The following DPP8 variants were observed in gnomAD, a reference collection of about 807,000 sequenced individuals.
DPP8 encodes the protein DPP VIII.
Under a neutral mutation model 107.5 loss-of-function variants are expected in DPP8, and 31 were observed. The observed-to-expected ratio is 0.29, with a 90% CI of 0.22 to 0.39. The LOEUF is 0.39. Ranked by LOEUF, DPP8 falls within the 10% of genes least tolerant of loss-of-function variation. The pLI is 1.00. For missense variants in DPP8, 842 were observed against 1,076.1 expected, an observed-to-expected ratio of 0.78 and a Z score of 3.04; for synonymous variants, 381 against 356.6, an observed-to-expected ratio of 1.07 and a Z score of -0.77.
chr15:65,485,477 G>A (rs2067317101), intron 7 of DPP8, among the ~76,000 whole-genome samples: 1 of 145,836 alleles, frequency 6.9e-6, no homozygotes, highest in Non-Finnish European at 1.5e-5. Flanking sequence ...CTGGGAGGTG[G>A]AGAATGCAGT....
chr15:65,494,560 C>A (rs1317933904), intron 5 of DPP8, among the ~76,000 whole-genome samples: 1 of 140,878 alleles, frequency 7.1e-6, no homozygotes, highest in African/African-American at 2.6e-5. Context: ...GTTGTCTCAG[C>A]TATTCAGGGG....
intron 2 of DPP8, among the ~76,000 whole-genome samples, chr15:65,511,407 T>A (rs968347035): frequency 1.3e-5 from 2 of 151,754 alleles, no homozygotes; most frequent in African/African-American, 4.8e-5. Flanking sequence ...CACAATTATA[T>A]AATGGAATGT....
intron 1 of DPP8, 183 bp downstream of exon 1, chr15:65,517,303 G>GGGGGGGA (rs1212633456): frequency 6.6e-6 from 1 of 152,404 alleles, no homozygotes; most frequent in Non-Finnish European, 1.5e-5. Flanking sequence ...TCCGGCAAGT[G>GGGGGGGA]GGGGGGAGGG....
chr15:65,459,643 A>G (rs1474306579), intron 15 of DPP8: 1 of 152,250 alleles, frequency 6.6e-6, no homozygotes, highest in Non-Finnish European at 1.5e-5. Flanking sequence ...TGTACTGCAT[A>G]AAGTATTCTA....
intron 5 of DPP8, among the ~76,000 whole-genome samples, chr15:65,494,628 C>A (rs142470051): frequency 5.8e-4 from 66 of 114,648 alleles, no homozygotes; most frequent in African/African-American, 1.9e-3. Flanking sequence ...CAATAGGAGA[C>A]CCTGTCTCAA....
chr15:65,468,189 A>G (rs1347468234), intron 12 of DPP8, among the ~76,000 whole-genome samples: 3 of 152,170 alleles, frequency 2.0e-5, no homozygotes, highest in East Asian at 3.8e-4. Context: ...TCTACCAGCC[A>G]ACTCAAACAA....
rs560902271 is a variant in DPP8, at chr15:65,502,032, C to T, written c.373-1253G>A. 2.0e-5 allele frequency among the ~76,000 whole-genome samples: 3 copies of T among 152,210 alleles called. No homozygotes were observed. The East Asian group carries it at 5.8e-4, about 29-fold the overall frequency. ...AGCCTCCTGAGTAGGTGGGATTACA[C>T]ACTTGTGCCACCACGCCCAGCTAAT... On this transcript the variant is annotated intron_variant, in intron 3 of 19. Transcript: ENST00000300141.
At chr15:65,515,926 TACATTA>T in intron 1 of DPP8, 1 of 497,672 alleles carries the variant, frequency 2.0e-6, no homozygotes, top group Non-Finnish European at 3.5e-6. Context: ...ATATAATGCC[TACATTA>T]TTTTGTATCT....
At chr15:65,481,684 C>T (rs2066939175) in intron 8 of DPP8, 69 bp from the exon 9 acceptor site, 2 of 953,226 alleles carry the variant, frequency 2.1e-6, no homozygotes, top group South Asian at 1.8e-5. Flanking sequence ...TGCTAGTCTA[C>T]TTTAACAATT....
intron 3 of DPP8, among the ~76,000 whole-genome samples, chr15:65,503,416 C>T (rs2069491534): frequency 6.6e-6 from 1 of 150,544 alleles, no homozygotes; most frequent in South Asian, 2.1e-4. Flanking sequence ...TGAAGTATTT[C>T]TTTATTGTTG....
chr15:65,491,668 T>C (rs976049871), intron 5 of DPP8, among the ~76,000 whole-genome samples: 3 of 152,240 alleles, frequency 2.0e-5, no homozygotes, highest in African/African-American at 7.2e-5. Context: ...TTGCATACCA[T>C]AGTTCTTTTA....
At chr15:65,481,069 G>A (rs946958258) in intron 9 of DPP8, among the ~76,000 whole-genome samples, 6 of 146,238 alleles carry the variant, frequency 4.1e-5, no homozygotes, top group Non-Finnish European at 5.9e-5. Flanking sequence ...AGGTGACAAA[G>A]CGAGACCATG....
intron 3 of DPP8, among the ~76,000 whole-genome samples, chr15:65,503,361 C>T (rs1467849711): frequency 6.6e-6 from 1 of 152,172 alleles, no homozygotes; most frequent in African/African-American, 2.4e-5. Flanking sequence ...CAGCCTCAGC[C>T]TCCCAAAGTG....
chr15:65,457,727 AG>A (rs1213113132), intron 15 of DPP8, among the ~76,000 whole-genome samples: 3 of 152,210 alleles, frequency 2.0e-5, no homozygotes, highest in African/African-American at 7.2e-5. Flanking sequence ...AAAGAGAAAC[AG>A]GAGAATAATG....
chr15:65,497,446 G>T (rs1177200827), intron 5 of DPP8, among the ~76,000 whole-genome samples: 1 of 151,780 alleles, frequency 6.6e-6, no homozygotes, highest in Non-Finnish European at 1.5e-5. Flanking sequence ...GTCAAACGAG[G>T]TGTCACCATG....
At chr15:65,513,412 C>G (rs1271336516) in intron 1 of DPP8, among the ~76,000 whole-genome samples, 2 of 152,122 alleles carry the variant, frequency 1.3e-5, no homozygotes, top group Non-Finnish European at 2.9e-5. Flanking sequence ...TGGGGTTTCA[C>G]TGTGTTAGCC....
chr15:65,448,334 G>A (rs2063622045), intron 19 of DPP8, among the ~76,000 whole-genome samples: 1 of 152,016 alleles, frequency 6.6e-6, no homozygotes, highest in Non-Finnish European at 1.5e-5. Flanking sequence ...AGGAGTTTGA[G>A]ATCAGCCTGG....
chr15:65,461,427 AC>A (rs1003589136), intron 15 of DPP8, among the ~76,000 whole-genome samples: 7 of 152,016 alleles, frequency 4.6e-5, no homozygotes, highest in African/African-American at 1.7e-4. Context: ...GAGCCACTAC[AC>A]CCAGCCTAAT....
At chr15:65,460,963 T>C (rs1376966652) in intron 15 of DPP8, among the ~76,000 whole-genome samples, 3 of 152,154 alleles carry the variant, frequency 2.0e-5, no homozygotes, top group Non-Finnish European at 2.9e-5. Flanking sequence ...CCAGGCAGGG[T>C]TCCAATTCCT....
Sources: gnomAD v4.1 joint callset for allele counts (sites outside exome capture counted in the v4.1 genomes callset) on GRCh38, gnomAD v4.1.1 for gene constraint, MANE v1.5 for transcripts, NCBI Gene and HGNC (gene_info 2026-07-23, HGNC 2026-07-21) for gene names.